SBK1: variants seen among roughly 807,000 people sequenced by gnomAD.
The protein encoded by SBK1 is serine/threonine-protein kinase SBK1.
A neutral mutation model predicts 24.4 loss-of-function variants in SBK1; 11 were observed. The ratio of observed to expected loss-of-function variants is 0.45; its 90% CI spans 0.28 to 0.75. The LOEUF (loss-of-function observed/expected upper bound fraction) is 0.75. Ranked by LOEUF, SBK1 falls within the 30% of genes least tolerant of loss-of-function variation. The probability of loss-of-function intolerance (pLI) is 0.12; values close to 1 mark genes in which losing one functional copy is unlikely to be tolerated. For synonymous variants in SBK1, 308 were observed against 284.4 expected (o/e 1.08, Z -0.83); for missense variants, 467 against 620.5 (o/e 0.75, Z 2.63).
intron 1 of SBK1, among the ~76,000 whole-genome samples, chr16:28,261,465 AC>A (rs2044397121): frequency 2.7e-5 from 4 of 150,650 alleles, no homozygotes; most frequent in African/African-American, 9.8e-5. Flanking sequence ...ACACACACAC[AC>A]ACACACACAC....
intron 1 of SBK1, among the ~76,000 whole-genome samples, chr16:28,266,155 T>C (rs1327450803): frequency 6.6e-6 from 1 of 152,076 alleles, no homozygotes; most frequent in Admixed American, 6.6e-5. Flanking sequence ...GAAGGATCAC[T>C]GGAGCCCAAG....
At chr16:28,279,484 T>G (rs2044516269) in intron 1 of SBK1, among the ~76,000 whole-genome samples, 1 of 151,138 alleles carries the variant, frequency 6.6e-6, no homozygotes, top group Non-Finnish European at 1.5e-5. Flanking sequence ...GGAAGAAGCT[T>G]TTGTTTCTGC....
intron 1 of SBK1, among the ~76,000 whole-genome samples, chr16:28,299,416 A>G (rs1206597314): frequency 6.6e-6 from 1 of 152,142 alleles, no homozygotes; most frequent in African/African-American, 2.4e-5. Context: ...CGTAGCTGGG[A>G]TTTAGGGAAG....
chr16:28,273,290 G>A lies in SBK1; in HGVS notation c.257+13788G>A, dbSNP rs568934646. 2.0e-5 allele frequency among the ~76,000 whole-genome samples: 3 copies of A among 151,482 alleles called. No homozygotes were observed. In the East Asian group the frequency reaches 5.9e-4, roughly 30 times the overall value. On this transcript the variant is annotated intron_variant, in intron 1 of 3. Coordinates refer to the SBK1 transcript ENST00000671413. ...AGCTAGAGTGCAATGGCGCAGTCTC[G>A]GCTCACTGCAACTTCCGCCTCCTGG...
intron 1 of SBK1, among the ~76,000 whole-genome samples, chr16:28,269,841 A>C (rs2044453458): frequency 6.6e-6 from 1 of 152,008 alleles, no homozygotes; most frequent in African/African-American, 2.4e-5. Context: ...GCACCACTGC[A>C]CTCCAGCCTG....
chr16:28,298,555 T>A (rs2044656972), intron 1 of SBK1, among the ~76,000 whole-genome samples: 2 of 152,220 alleles, frequency 1.3e-5, no homozygotes. Context: ...ATGGAGACAA[T>A]AATAGCTGCC....
intron 1 of SBK1, 98 bp downstream of exon 1, chr16:28,293,398 T>G: frequency 9.0e-6 from 5 of 553,566 alleles, no homozygotes; most frequent in African/African-American, 2.0e-5. Context: ...GCGCTCCCCC[T>G]TCCCCAGCGT....
chr16:28,297,846 A>C (rs1234732501), intron 1 of SBK1, among the ~76,000 whole-genome samples: 1 of 152,180 alleles, frequency 6.6e-6, no homozygotes, highest in Non-Finnish European at 1.5e-5. Flanking sequence ...AAGAAAGGGA[A>C]GGGGTCCCTG....
At chr16:28,276,727 C>A (rs1272061000) in intron 1 of SBK1, among the ~76,000 whole-genome samples, 2 of 152,048 alleles carry the variant, frequency 1.3e-5, no homozygotes, top group African/African-American at 4.8e-5. Context: ...TGCAGTGGTG[C>A]GATCTTGGCT....
chr16:28,267,680 G>A (rs1428410604), intron 1 of SBK1, among the ~76,000 whole-genome samples: 1 of 152,198 alleles, frequency 6.6e-6, no homozygotes, highest in Non-Finnish European at 1.5e-5. Flanking sequence ...AGCAGGCTGA[G>A]GAATTTGCAC....
rs752749488 is a variant in SBK1 at position 28,320,337 on chromosome 16, G to A, written c.691G>A (p.Asp231Asn). 1 of 1,592,818 alleles carries A rather than the reference G, an allele frequency of 6.3e-7. No homozygotes were observed. Among genetic ancestry groups the A allele is most frequent in the Non-Finnish European group, 8.5e-7 (1 of 1,175,858 alleles). ...GGGCCGCGCCGACGGGCTGGCGGTGGACACGGGCGTGGACGTGTGGGCCTT... is the reference window on the plus strand; with the variant it reads ...GGGCCGCGCCGACGGGCTGGCGGTGAACACGGGCGTGGACGTGTGGGCCTT... Reference protein sequence around the residue: ...QAGRADGLAVDTGVDVWAFGV... With the variant: ...QAGRADGLAVNTGVDVWAFGV... The change falls in exon 4 of 4, where the codon GAC (aspartate) becomes AAC (asparagine). Residue 231 changes from aspartate to asparagine, a missense_variant. By Grantham distance (23) the Asp-to-Asn change is conservative (BLOSUM62 1). Coordinates refer to ENST00000341901, the MANE Select transcript of SBK1 (RefSeq NM_001024401.3). The surrounding 1 kb of genome is among the most constrained non-coding windows in gnomAD (Gnocchi z 8.5).
At chr16:28,318,227 G>A (rs2044811907) in intron 2 of SBK1, among the ~76,000 whole-genome samples, 1 of 152,198 alleles carries the variant, frequency 6.6e-6, no homozygotes, top group South Asian at 2.1e-4. Context: ...CACACTGTAG[G>A]TCACAGCCGT....
At position 28,319,802 on chromosome 16, in the gene SBK1, C is replaced by A. The variant is rs2044825044; in HGVS notation, c.430-274C>A. Among the ~76,000 whole-genome samples the A allele has an allele frequency of 6.6e-6, 1 of 152,084 alleles. No homozygotes were observed. The highest frequency in any genetic ancestry group is 1.5e-5 in the Non-Finnish European group (1 of 68,004). The stretch of plus-strand genomic sequence containing the variant: ...GACAGCAGGTGGAGGGCGCCGCGGA[C>A]CCCCTCATCAACCTCCTGGAGAGCC... On this transcript the variant is annotated intron_variant, in intron 3 of 3. Coordinates refer to ENST00000341901, the MANE Select transcript of SBK1 (RefSeq NM_001024401.3). The surrounding 1 kb of genome is among the most constrained non-coding windows in gnomAD (Gnocchi z 4.0).
Position 28,317,785 on chromosome 16 carries a change from A to T in SBK1, c.226+168A>T, listed in dbSNP as rs1313184420. ...TAGAGGATGAGGCCTGAGGCAGCCC[A>T]GGGGGAAAGAGACTGGGCAGATGGG... On this transcript the variant is annotated intron_variant, in intron 2 of 3. Coordinates refer to ENST00000341901, the MANE Select transcript of SBK1 (RefSeq NM_001024401.3). This position sits in a 1 kb window ranked among gnomAD's most constrained non-coding sequence, Gnocchi z 4.2. Among the ~76,000 whole-genome samples, 1 of 152,058 alleles carries T rather than the reference A, an allele frequency of 6.6e-6. No homozygotes were observed. Among genetic ancestry groups the T allele is most frequent in the Non-Finnish European group, 1.5e-5 (1 of 67,998 alleles).
chr16:28,263,446 G>A (rs1037807597), intron 1 of SBK1, among the ~76,000 whole-genome samples: 5 of 152,194 alleles, frequency 3.3e-5, no homozygotes, highest in African/African-American at 9.7e-5. Context: ...AGCCAGCAGT[G>A]GGGAGACGGG....
rs1223862827 is a variant in SBK1 at position 28,320,650 on chromosome 16, A to G, written c.1004A>G (p.Asp335Gly). ...CACCGCGCGCGCAAGCCCCCCGGGG[A>G]CCGCCCGCCCGCCGCCGGGCCACTG... ...PSHRARKPPG[D>G]RPPAAGPLRL... The change falls in exon 4 of 4, where the codon GAC becomes GGC. Residue 335 changes from aspartate to glycine, a missense_variant. Around this residue, in one of 4 missense-constraint regions of SBK1, gnomAD observed 166 missense variants for 146.8 expected, o/e 1.13. Coordinates refer to ENST00000341901, the MANE Select transcript of SBK1 (RefSeq NM_001024401.3). This position sits in a 1 kb window ranked among gnomAD's most constrained non-coding sequence, Gnocchi z 8.5. 3 of 1,141,656 alleles carry G rather than the reference A, an allele frequency of 2.6e-6. No homozygotes were observed. The highest frequency in any genetic ancestry group is 3.2e-6 in the Non-Finnish European group (3 of 930,774). 70.7% of individuals were successfully genotyped at this position (1,141,656 alleles called of 1,614,324 possible).
In SBK1 at chr16:28,320,976, GC is replaced by G; in HGVS notation, c.*58del. 7.5e-7 allele frequency: 1 copy of G among 1,328,546 alleles called. No homozygotes were observed. The highest frequency in any genetic ancestry group is 9.6e-7 in the Non-Finnish European group (1 of 1,041,224). The allele number at this position is 1,328,546 out of a possible 1,614,324, so 82.3% of individuals were successfully genotyped here. A position where few individuals can be genotyped will look rare whatever the true frequency, so the allele number is the denominator to read the frequency against. ...CAGCCCGGGCCCGCCCCGAGCCGGT[GC>G]CCGGTGCGGCGGTAGGGAATGGAGC... is the stretch of plus-strand genomic sequence containing the variant. On this transcript the variant is annotated 3_prime_UTR_variant, in exon 4 of 4. Transcript: ENST00000341901. This position sits in a 1 kb window ranked among gnomAD's most constrained non-coding sequence, Gnocchi z 8.5.
chr16:28,320,775 G>A lies in SBK1; in HGVS notation c.1129G>A (p.Val377Met), dbSNP rs1289930913. ...CGCCGTCGGGTCGGTGCCCTTGCCC[G>A]TGCCGGTGCCGGTGCCAGTGCCCGT... The part of the protein sequence containing the change: ...PPAVGSVPLP[V>M]PVPVPVPVPV... The change falls in exon 4 of 4, where the codon GTG becomes ATG. Residue 377 changes from valine (V) to methionine (M), a missense_variant. Physicochemically the swap from Val to Met is conservative, Grantham distance 21. Coordinates refer to ENST00000341901, the MANE Select transcript of SBK1 (RefSeq NM_001024401.3). This position sits in a 1 kb window ranked among gnomAD's most constrained non-coding sequence, Gnocchi z 8.5. The A allele has an allele frequency of 2.1e-6, 3 of 1,400,468 alleles. No homozygotes were observed. The highest frequency in any genetic ancestry group is 2.6e-5 in the South Asian group (2 of 77,286). 86.8% of individuals were successfully genotyped at this position (1,400,468 alleles called of 1,614,324 possible).
intron 1 of SBK1, among the ~76,000 whole-genome samples, chr16:28,298,310 G>C (rs2141579206): frequency 6.6e-6 from 1 of 152,334 alleles, no homozygotes; most frequent in African/African-American, 2.4e-5. Flanking sequence ...GGAAGCAGCG[G>C]AACATCTCCT....
Sources: allele counts gnomAD v4.1 joint callset (sites outside exome capture counted in the v4.1 genomes callset), GRCh38; gene constraint gnomAD v4.1.1; regional missense constraint gnomAD v4.1.1; non-coding constraint Gnocchi (gnomAD v3.1); transcripts MANE v1.5; gene names NCBI Gene and HGNC (gene_info 2026-07-23, HGNC 2026-07-21).